CRIP1: variants seen among roughly 807,000 people sequenced by gnomAD.
CRIP1 encodes the protein cysteine-rich protein 1.
In CRIP1, 11 loss-of-function variants were observed where a neutral mutation model predicts 12.9. That is an observed-to-expected ratio of 0.86 (90% CI 0.54 to 1.42). CRIP1 has a LOEUF of 1.42. Among genes scored for constraint, CRIP1 ranks in the 40% most tolerant of loss-of-function variants. CRIP1 has a pLI of 0.00. For synonymous variants in CRIP1, 41 were observed against 37.2 expected, an observed-to-expected ratio of 1.10 and a Z score of -0.37; for missense variants, 122 against 101.3, an observed-to-expected ratio of 1.20 and a Z score of -0.88.
chr14:105,487,235 C>T lies in CRIP1; in HGVS notation c.-25C>T. The T allele has an allele frequency of 6.5e-7, 1 of 1,543,334 alleles. No homozygotes were observed. Among genetic ancestry groups the T allele is most frequent in the East Asian group, 2.5e-5 (1 of 40,332 alleles). ...CAGCCCGTGCCGCCCCAGCCGCTGC[C>T]GCCTGCACCGGACCCGGAGCCGTCA... On this transcript the variant is annotated 5_prime_UTR_variant, in exon 2 of 6. Transcript: ENST00000392531.
At position 105,488,651 on chromosome 14, in the gene CRIP1, C is replaced by T; in HGVS notation, c.*6-12C>T. The T allele has an allele frequency of 1.1e-6, 1 of 924,604 alleles. No homozygotes were observed. The highest frequency in any genetic ancestry group is 1.6e-5 in the South Asian group (1 of 62,414). The allele number at this position is 924,604 out of a possible 1,614,324, so 57.3% of individuals were successfully genotyped here. A position where few individuals can be genotyped will look rare whatever the true frequency, so the allele number is the denominator to read the frequency against. The stretch of plus-strand genomic sequence containing the variant: ...GCTGCACTCACGTCTGTGCCTGTCT[C>T]TCTCTGCACAGGTGGTGGAGACCCC... On this transcript the variant is annotated splice_polypyrimidine_tract_variant and intron_variant, in intron 5 of 5. Coordinates refer to ENST00000392531, the MANE Select transcript of CRIP1 (RefSeq NM_001311.5).
At chr14:105,487,619 A>C in intron 2 of CRIP1, 21 of 281,408 alleles carry the variant, frequency 7.5e-5, no homozygotes, top group East Asian at 1.3e-4. Flanking sequence ...GCTGGAAGGA[A>C]CGCGGGGCTG....
At chr14:105,488,412 C>G (rs782056548) in intron 4 of CRIP1, 24 bp downstream of exon 4, 6 of 1,599,234 alleles carry the variant, frequency 3.8e-6, no homozygotes, top group Non-Finnish European at 3.4e-6. Context: ...ATCCCCACCC[C>G]ACCCCACCCC....
intron 2 of CRIP1, 95 bp downstream of exon 2, chr14:105,487,394 G>A: frequency 8.7e-7 from 1 of 1,145,244 alleles, no homozygotes; most frequent in South Asian, 1.6e-5. Context: ...TGGGTCCCTG[G>A]GGCGGCGCCC....
At chr14:105,487,463 C>G (rs1426664167) in intron 2 of CRIP1, 164 bp downstream of exon 2, 8 of 598,024 alleles carry the variant, frequency 1.3e-5, no homozygotes, top group Non-Finnish European at 2.3e-5. Context: ...GTGGAGGCCC[C>G]TGCGTCCGAG....
At position 105,488,482 on chromosome 14, in the gene CRIP1, G is replaced by A; in HGVS notation, c.205G>A (p.Gly69Ser). ...AMFGPKGFGRGGAESHTFK is the reference protein window; with the variant it reads ...AMFGPKGFGRSGAESHTFK ...CACCTTCTCTGCAGGCTTTGGGCGG[G>A]GCGGAGCCGAGAGCCACACTTTCAA... Residue 69 changes from glycine (G) to serine (S), a missense_variant, in exon 5 of 6, where the codon GGC becomes AGC. Physicochemically the swap from Gly to Ser is moderately conservative, Grantham distance 56. Coordinates refer to ENST00000392531, the MANE Select transcript of CRIP1 (RefSeq NM_001311.5). 6.2e-7 allele frequency: 1 copy of A among 1,607,638 alleles called. No individual in the cohort carries two copies. Among genetic ancestry groups the A allele is most frequent in the Non-Finnish European group, 8.5e-7 (1 of 1,177,760 alleles).
intron 3 of CRIP1, 27 bp downstream of exon 3, chr14:105,488,287 G>A (rs781854479): frequency 1.9e-6 from 3 of 1,613,394 alleles, no homozygotes; most frequent in Admixed American, 1.7e-5. Flanking sequence ...CTGGTGGCAG[G>A]GGCCAGGGGT....
At chr14:105,487,777 C>T (rs140093142) in intron 2 of CRIP1, 85 of 232,770 alleles carry the variant, frequency 3.7e-4, no homozygotes, top group Non-Finnish European at 5.2e-4. Context: ...CCGAGAAGGG[C>T]TGTCGCAGGC....
At position 105,488,257 on chromosome 14, in the gene CRIP1, T is replaced by A. The variant is rs2084143836; in HGVS notation, c.132T>A (p.Ala44=). 3.1e-6 allele frequency: 5 copies of A among 1,613,428 alleles called. No homozygotes were observed. The highest frequency in any genetic ancestry group is 4.5e-5 in the East Asian group (2 of 44,884). Residue 44 remains alanine, a synonymous_variant, in exon 3 of 6, where the codon GCT becomes GCA. Transcript: ENST00000392531. ...AGACGCTGACCTCTGGGGGCCACGC[T>A]GAGGTAGGTGGGACCCACCCTGGTG... The part of the protein sequence containing the change: ...CGKTLTSGGH[A]EHEGKPYCNH...
rs1198258654 is a variant in CRIP1, at chr14:105,486,915, A to C, written c.-119A>C. On this transcript the variant is annotated 5_prime_UTR_variant, in exon 1 of 6. Transcript: ENST00000392531. ...TGCCTCGGAACTGGACCCGGGAGACATCACAGCGCTGGGCTAGGGGCGCGG... is the reference window on the plus strand; with the variant it reads ...TGCCTCGGAACTGGACCCGGGAGACCTCACAGCGCTGGGCTAGGGGCGCGG... 1.8e-6 allele frequency: 2 copies of C among 1,112,472 alleles called. No homozygotes were observed. Among genetic ancestry groups the C allele is most frequent in the Non-Finnish European group, 2.2e-6 (2 of 911,022 alleles). The allele number at this position is 1,112,472 out of a possible 1,614,324, so 68.9% of individuals were successfully genotyped here.
chr14:105,487,549 C>T lies in CRIP1; in HGVS notation c.40+250C>T, dbSNP rs1004541725. On this transcript the variant is annotated intron_variant, in intron 2 of 5. Transcript: ENST00000392531. The stretch of plus-strand genomic sequence containing the variant: ...CCTCTGGCTCTGAGCCTCCCCGTCT[C>T]TGGGTCCTACGGTCTCTGCCGTTTC... The T allele has an allele frequency of 7.1e-5, 34 of 481,316 alleles. 1 individual carries two copies. The South Asian group carries it at 1.1e-3, about 15-fold the overall frequency. 29.8% of individuals were successfully genotyped at this position (481,316 alleles called of 1,614,324 possible).
chr14:105,488,623 G>C, intron 5 of CRIP1, 40 bp from the exon 6 acceptor site: 1 of 1,151,436 alleles, frequency 8.7e-7, no homozygotes, highest in Non-Finnish European at 1.3e-6. Context: ...GGAGGCCGTG[G>C]ACGCTGCACT....
At position 105,487,216 on chromosome 14, in the gene CRIP1, G is replaced by A; in HGVS notation, c.-44G>A. 3 of 1,539,516 alleles carry A rather than the reference G, an allele frequency of 1.9e-6. No homozygotes were observed. Among genetic ancestry groups the A allele is most frequent in the South Asian group, 1.2e-5 (1 of 82,804 alleles). Reference sequence around the variant, plus strand: ...CCACCCAGTCTCGCGCCTGCAGCCCGTGCCGCCCCAGCCGCTGCCGCCTGC... The same window carrying A: ...CCACCCAGTCTCGCGCCTGCAGCCCATGCCGCCCCAGCCGCTGCCGCCTGC... On this transcript the variant is annotated 5_prime_UTR_variant, in exon 2 of 6. It adds an upstream start codon to the 5' untranslated region. Transcript: ENST00000392531.
At chr14:105,487,958 C>G in intron 2 of CRIP1, 1 of 576,624 alleles carries the variant, frequency 1.7e-6, no homozygotes, top group Non-Finnish European at 3.1e-6. Context: ...AGCGACCCCG[C>G]GCTTTGTTTA....
In CRIP1 at chr14:105,488,518, T is replaced by G. The variant is rs782558569; in HGVS notation, c.*5+2T>G. 2 of 1,585,884 alleles carry G rather than the reference T, an allele frequency of 1.3e-6. No homozygotes were observed. The highest frequency in any genetic ancestry group is 2.3e-5 in the South Asian group (2 of 86,732). ...GAGCCACACTTTCAAGTAAACCAGGTAGGTAGGACCCCACCCCCTATCCTG... is the reference window on the plus strand; with the variant it reads ...GAGCCACACTTTCAAGTAAACCAGGGAGGTAGGACCCCACCCCCTATCCTG... On this transcript the variant is annotated splice_donor_variant, in intron 5 of 5. Coordinates refer to ENST00000392531, the MANE Select transcript of CRIP1 (RefSeq NM_001311.5). LOFTEE classifies it low-confidence loss of function (3UTR_SPLICE).
rs782084690 is a variant in CRIP1, at chr14:105,488,271, C to T, written c.135+11C>T. The T allele has an allele frequency of 1.2e-6, 2 of 1,613,436 alleles. No homozygotes were observed. The highest frequency in any genetic ancestry group is 2.2e-5 in the South Asian group (2 of 91,090). On this transcript the variant is annotated intron_variant, in intron 3 of 5. Coordinates refer to ENST00000392531, the MANE Select transcript of CRIP1 (RefSeq NM_001311.5). ...GGGGGCCACGCTGAGGTAGGTGGGA[C>T]CCACCCTGGTGGCAGGGGCCAGGGG...
intron 2 of CRIP1, 152 bp downstream of exon 2, chr14:105,487,451 G>C: frequency 1.6e-6 from 1 of 630,556 alleles, no homozygotes. Context: ...CCCGGGATGA[G>C]GGTGGAGGCC....
chr14:105,488,052 C>A, intron 2 of CRIP1, 114 bp from the exon 3 acceptor site: 1 of 1,099,792 alleles, frequency 9.1e-7, no homozygotes, highest in Non-Finnish European at 1.3e-6. Context: ...TGGGCGGATG[C>A]GGGCTAAGTG....
chr14:105,487,920 G>A (rs1268909931), intron 2 of CRIP1: 8 of 533,900 alleles, frequency 1.5e-5, no homozygotes, highest in Admixed American at 6.4e-5. Flanking sequence ...CAAGATTCCC[G>A]GCCGCACCCG....
Sources: gnomAD v4.1 joint callset for allele counts on GRCh38, gnomAD v4.1.1 for gene constraint, MANE v1.5 for transcripts, NCBI Gene and HGNC (gene_info 2026-07-23, HGNC 2026-07-21) for gene names.